CNTNAP5: variants seen among roughly 807,000 people sequenced by gnomAD.
CNTNAP5 encodes contactin associated protein family member 5, also known as contactin-associated protein-like 5.
A neutral mutation model predicts 150.2 loss-of-function variants in CNTNAP5; 72 were observed. The ratio of observed to expected loss-of-function variants is 0.48; its 90% CI spans 0.40 to 0.58. CNTNAP5 has a LOEUF of 0.58. CNTNAP5 is among the 20% of genes least tolerant of loss of function. CNTNAP5 has a pLI of 0.00. For missense variants in CNTNAP5, 1,636 were observed against 1,626.2 expected (o/e 1.01, Z -0.10); for synonymous variants, 672 against 619.8 (o/e 1.08, Z -1.25).
chr2:124,211,523 A>AACACACAC (rs3063440), intron 1 of CNTNAP5, among the ~76,000 whole-genome samples: 9 of 149,890 alleles, frequency 6.0e-5, no homozygotes, highest in South Asian at 4.2e-4. Flanking sequence ...CACACACACA[A>AACACACAC]ACACACACAC....
At chr2:124,419,358 C>T (rs1361448162) in intron 4 of CNTNAP5, among the ~76,000 whole-genome samples, 1 of 152,144 alleles carries the variant, frequency 6.6e-6, no homozygotes, top group African/African-American at 2.4e-5. Context: ...GTCACAGCAT[C>T]GAGTTAAATC....
chr2:124,372,051 T>C (rs188646776), intron 3 of CNTNAP5, among the ~76,000 whole-genome samples: 2 of 152,140 alleles, frequency 1.3e-5, no homozygotes, highest in East Asian at 1.9e-4. Flanking sequence ...TAAACCTGGA[T>C]GGGCATCGTC....
At chr2:124,685,733 A>C (rs1679178262) in intron 13 of CNTNAP5, among the ~76,000 whole-genome samples, 1 of 141,602 alleles carries the variant, frequency 7.1e-6, no homozygotes, top group South Asian at 2.2e-4. Context: ...CCCAATATCT[A>C]AAGTAAGTGT....
At chr2:124,037,339 C>T (rs1403329010) in intron 1 of CNTNAP5, among the ~76,000 whole-genome samples, 1 of 152,122 alleles carries the variant, frequency 6.6e-6, no homozygotes, top group Non-Finnish European at 1.5e-5. Context: ...AATACTGCAG[C>T]CCTAGAATTT....
intron 19 of CNTNAP5, among the ~76,000 whole-genome samples, chr2:124,817,698 C>A (rs972444902): frequency 6.6e-6 from 1 of 152,110 alleles, no homozygotes; most frequent in East Asian, 1.9e-4. Flanking sequence ...AATAGTGTGA[C>A]TTGAGGAAGT....
chr2:124,493,853 C>G (rs1341365815), intron 7 of CNTNAP5, among the ~76,000 whole-genome samples: 1 of 151,748 alleles, frequency 6.6e-6, no homozygotes, highest in Non-Finnish European at 1.5e-5. Flanking sequence ...ATATTTTTTC[C>G]TGATTAAAGT....
chr2:124,216,977 A>G (rs1686174050), intron 1 of CNTNAP5, among the ~76,000 whole-genome samples: 2 of 152,142 alleles, frequency 1.3e-5, no homozygotes, highest in African/African-American at 2.4e-5. Context: ...CAACTTCCAC[A>G]ATGGTTAAAC....
chr2:124,747,810 T>C (rs1449859481), intron 14 of CNTNAP5, among the ~76,000 whole-genome samples: 1 of 140,846 alleles, frequency 7.1e-6, no homozygotes, highest in Non-Finnish European at 1.5e-5. Flanking sequence ...TTTTTTTTTT[T>C]TTTTTTTAGT....
rs1249373303 is a variant in CNTNAP5, at chr2:124,905,106, G to GT, written c.3655+2015dup. Among the ~76,000 whole-genome samples, 57 of 113,628 alleles carry GT rather than the reference G, an allele frequency of 5.0e-4. 1 individual carries two copies. Among genetic ancestry groups the GT allele is most frequent in the African/African-American group, 3.9e-4 (12 of 30,742 alleles). The allele number at this position is 113,628 out of a possible 152,430, so 74.5% of individuals were successfully genotyped here. On this transcript the variant is annotated intron_variant, in intron 22 of 23. Transcript: ENST00000682447. The stretch of plus-strand genomic sequence containing the variant: ...AAAAAATAGGCAAAGGATGTGAATA[G>GT]TTTTTTTTTGTTTTTTTTTGTTTTT...
intron 1 of CNTNAP5, among the ~76,000 whole-genome samples, chr2:124,110,244 T>G (rs1683263696): frequency 6.6e-6 from 1 of 152,220 alleles, no homozygotes; most frequent in African/African-American, 2.4e-5. Context: ...CTGCTCCTTT[T>G]GTACTGAGCA....
At chr2:124,714,172 G>T (rs71428160) in intron 13 of CNTNAP5, among the ~76,000 whole-genome samples, 24,700 of 151,898 alleles carry the variant, frequency 0.16, 2,283 homozygotes, top group East Asian at 0.24. Context: ...CTCAAGAGTC[G>T]CTTGAGTGTA....
At chr2:124,630,137 C>T (rs1361703169) in intron 12 of CNTNAP5, among the ~76,000 whole-genome samples, 1 of 151,886 alleles carries the variant, frequency 6.6e-6, no homozygotes, top group Non-Finnish European at 1.5e-5. Flanking sequence ...CTGAACTCTA[C>T]CAGAGGTACA....
At chr2:124,754,594 G>T (rs183693978) in intron 14 of CNTNAP5, among the ~76,000 whole-genome samples, 1 of 152,056 alleles carries the variant, frequency 6.6e-6, no homozygotes, top group Non-Finnish European at 1.5e-5. Context: ...ATTTTCTGCT[G>T]TTTCAGTCAT....
intron 6 of CNTNAP5, among the ~76,000 whole-genome samples, chr2:124,447,502 A>G (rs538166865): frequency 6.6e-6 from 1 of 152,294 alleles, no homozygotes; most frequent in South Asian, 2.1e-4. Context: ...AGAGTTTGCC[A>G]GCTTTGTTAG....
intron 3 of CNTNAP5, among the ~76,000 whole-genome samples, chr2:124,310,948 G>C (rs10165450): frequency 0.28 from 42,678 of 151,956 alleles, 6,943 homozygotes; most frequent in African/African-American, 0.45. Context: ...ACACTTTCAT[G>C]ACTGTTTTTC....
intron 21 of CNTNAP5, among the ~76,000 whole-genome samples, chr2:124,870,993 T>C (rs1677735393): frequency 6.6e-6 from 1 of 152,132 alleles, no homozygotes; most frequent in African/African-American, 2.4e-5. Flanking sequence ...AAATGTCCAT[T>C]TTAGTTCCCC....
chr2:124,914,111 A>G lies in CNTNAP5; in HGVS notation c.3747A>G (p.Ile1249Met), dbSNP rs776530469. The G allele has an allele frequency of 3.7e-6, 6 of 1,611,638 alleles. No homozygotes were observed. In the South Asian group the frequency reaches 5.5e-5, roughly 15 times the overall value. ...CTCCAGGGGTGATAGCAGTGGTGAT[A>G]TTCATCATCTTCTGTATCATCGGCA... ...AVIGGVIAVV[I>M]FIIFCIIGIM... is the part of the protein sequence containing the mutation. Residue 1249 changes from isoleucine (I) to methionine (M), a missense_variant, in exon 24 of 24, where the codon ATA (isoleucine) becomes ATG (methionine). Coordinates refer to ENST00000682447, the MANE Select transcript of CNTNAP5 (RefSeq NM_001367498.1).
chr2:124,537,171 G>A (rs977290102), intron 10 of CNTNAP5, among the ~76,000 whole-genome samples: 1 of 152,068 alleles, frequency 6.6e-6, no homozygotes, highest in Non-Finnish European at 1.5e-5. Context: ...TTTGCCCAAG[G>A]TCACACAGCC....
chr2:124,113,425 C>A (rs776176674), intron 1 of CNTNAP5, among the ~76,000 whole-genome samples: 1 of 151,562 alleles, frequency 6.6e-6, no homozygotes, highest in Non-Finnish European at 1.5e-5. Flanking sequence ...AAATGAAATA[C>A]TAGGTCTGTT....
Sources: allele counts gnomAD v4.1 joint callset (sites outside exome capture counted in the v4.1 genomes callset), GRCh38; gene constraint gnomAD v4.1.1; transcripts MANE v1.5; gene names NCBI Gene and HGNC (gene_info 2026-07-23, HGNC 2026-07-21).